Variants in PGD observed in about 807,000 individuals in gnomAD.
PGD encodes 6-phosphogluconate dehydrogenase, decarboxylating.
PGD carries 21 observed loss-of-function variants against 60.4 expected under a neutral mutation model. The observed-to-expected ratio is 0.35, with a 90% CI of 0.25 to 0.50. The LOEUF is 0.50. Among genes scored for constraint, PGD ranks in the 20% least tolerant of loss-of-function variants. PGD has a pLI of 0.98. For synonymous variants in PGD, 230 were observed against 235.9 expected (o/e 0.97, Z 0.23); for missense variants, 477 against 613.1 (o/e 0.78, Z 2.34).
intron 8 of PGD, among the ~76,000 whole-genome samples, chr1:10,415,566 G>T (rs1290508327): frequency 6.6e-6 from 1 of 152,160 alleles, no homozygotes; most frequent in Non-Finnish European, 1.5e-5. Context: ...ATAGCCTGTT[G>T]CACCAGTCAT....
At chr1:10,416,418 T>C (rs1476790744) in intron 8 of PGD, among the ~76,000 whole-genome samples, 2 of 152,242 alleles carry the variant, frequency 1.3e-5, no homozygotes, top group Non-Finnish European at 2.9e-5. Context: ...TTCCTTCCGA[T>C]CCATGTCAAC....
chr1:10,418,388 G>A (rs1159321486), intron 10 of PGD, among the ~76,000 whole-genome samples: 1 of 152,170 alleles, frequency 6.6e-6, no homozygotes, highest in Non-Finnish European at 1.5e-5. Context: ...TTTCTAAACA[G>A]GAAAAGGGTT....
intron 4 of PGD, 61 bp downstream of exon 4, chr1:10,403,197 G>A (rs1639343592): frequency 1.7e-6 from 2 of 1,158,302 alleles, no homozygotes; most frequent in South Asian, 2.4e-5. Flanking sequence ...AAAAGTGTCA[G>A]CATCGCATAT....
intron 1 of PGD, 44 bp from the exon 2 acceptor site, chr1:10,399,585 G>C (rs760093894): frequency 6.4e-7 from 1 of 1,559,264 alleles, no homozygotes; most frequent in Admixed American, 1.7e-5. Context: ...GCAGCGCGTC[G>C]AGCGGTGCTG....
At chr1:10,409,458 G>A (rs545780193) in intron 6 of PGD, among the ~76,000 whole-genome samples, 6 of 152,160 alleles carry the variant, frequency 3.9e-5, no homozygotes, top group South Asian at 2.1e-4. Context: ...AGATTACTGC[G>A]GTAAAAGGCC....
At chr1:10,413,329 C>A in intron 8 of PGD, 78 bp downstream of exon 8, 1 of 1,291,116 alleles carries the variant, frequency 7.7e-7, no homozygotes, top group Non-Finnish European at 1.1e-6. Context: ...ACAGACTGGT[C>A]TTTAGAGAAT....
At chr1:10,411,349 G>GCTGATGTGGACTTCT in intron 6 of PGD, 69 bp from the exon 7 acceptor site, 1 of 1,576,324 alleles carries the variant, frequency 6.3e-7, no homozygotes. Flanking sequence ...TGGCATGAAA[G>GCTGATGTGGACTTCT]CTGATGTGGA....
intron 6 of PGD, among the ~76,000 whole-genome samples, chr1:10,409,649 CTTTTT>C (rs543426528): frequency 4.0e-5 from 3 of 75,406 alleles, no homozygotes; most frequent in African/African-American, 1.8e-4. Context: ...GTGGTAGCAA[CTTTTT>C]TTTTTTTTTT....
At chr1:10,404,942 C>T (rs1401397647) in intron 5 of PGD, among the ~76,000 whole-genome samples, 3 of 152,194 alleles carry the variant, frequency 2.0e-5, no homozygotes, top group Admixed American at 1.3e-4. Context: ...GGCATAGTGG[C>T]CCATGCCTGT....
chr1:10,419,357 A>G, intron 11 of PGD, 60 bp from the exon 12 acceptor site: 1 of 1,569,218 alleles, frequency 6.4e-7, no homozygotes, highest in Non-Finnish European at 8.6e-7. Context: ...ATATGAATGA[A>G]AATCTATCCG....
At chr1:10,408,960 C>T (rs928524988) in intron 6 of PGD, among the ~76,000 whole-genome samples, 3 of 152,100 alleles carry the variant, frequency 2.0e-5, no homozygotes, top group Non-Finnish European at 4.4e-5. Context: ...TTCAGCCATG[C>T]TGTGGATGGA....
At chr1:10,399,442 C>T in intron 1 of PGD, 187 bp from the exon 2 acceptor site, 3 of 477,614 alleles carry the variant, frequency 6.3e-6, no homozygotes, top group Non-Finnish European at 7.0e-6. Context: ...GGCGCGAGGG[C>T]GGGGCTGGGG....
intron 5 of PGD, among the ~76,000 whole-genome samples, chr1:10,406,734 C>A (rs995134911): frequency 5.3e-5 from 8 of 152,164 alleles, no homozygotes; most frequent in African/African-American, 1.9e-4. Context: ...GAGGGAAAGT[C>A]TCAAGAGTAA....
chr1:10,402,511 ACTC>A (rs1639331732), intron 3 of PGD, among the ~76,000 whole-genome samples: 12 of 148,772 alleles, frequency 8.1e-5, no homozygotes, highest in Admixed American at 7.4e-4. Context: ...ACATGGTGAG[ACTC>A]CATCTCAAAA....
intron 2 of PGD, chr1:10,400,059 T>C (rs1447951212): frequency 2.3e-6 from 1 of 443,384 alleles, no homozygotes; most frequent in Non-Finnish European, 4.1e-6. Context: ...TTCTAAATGT[T>C]AAAGTGGCTT....
Position 10,399,653 on chromosome 1 carries a change from G to A in PGD, c.33G>A (p.Leu11=). Residue 11 remains leucine (L), a synonymous_variant, in exon 2 of 13, where the codon TTG becomes TTA. Transcript: ENST00000270776. MAQADIALIG[L]AVMGQNLILN... ...GAGCTGACATCGCGCTGATCGGATT[G>A]GCCGTCATGGGCCAGAACTTAATTC... is the stretch of plus-strand genomic sequence containing the variant. 6.2e-7 allele frequency: 1 copy of A among 1,614,054 alleles called. No individual in the cohort carries two copies. The highest frequency in any genetic ancestry group is 2.2e-5 in the East Asian group (1 of 44,884).
At chr1:10,413,460 G>T (rs1019117799) in intron 8 of PGD, among the ~76,000 whole-genome samples, 1 of 152,132 alleles carries the variant, frequency 6.6e-6, no homozygotes, top group Admixed American at 6.5e-5. Flanking sequence ...TATCTCATTC[G>T]TACAAACTGT....
intron 7 of PGD, chr1:10,412,834 G>A: frequency 2.0e-6 from 1 of 492,482 alleles, no homozygotes; most frequent in Non-Finnish European, 3.7e-6. Flanking sequence ...TGCCTCTGAG[G>A]AGACAACACT....
intron 10 of PGD, 35 bp from the exon 11 acceptor site, chr1:10,418,790 AG>A (rs763356014): frequency 2.4e-5 from 29 of 1,198,858 alleles, no homozygotes; most frequent in Middle Eastern, 2.0e-4. Flanking sequence ...AAAAAAAAAA[AG>A]ACTCATTGCT....
Sources: gnomAD v4.1 joint callset for allele counts (sites outside exome capture counted in the v4.1 genomes callset) on GRCh38, gnomAD v4.1.1 for gene constraint, MANE v1.5 for transcripts, NCBI Gene and HGNC (gene_info 2026-07-23, HGNC 2026-07-21) for gene names.